The following MDN1 variants were observed in gnomAD, a reference collection of about 807,000 sequenced individuals.
MDN1 encodes midasin.
Under a neutral mutation model 669.2 loss-of-function variants are expected in MDN1, and 266 were observed. The observed-to-expected ratio is 0.40, with a 90% confidence interval of 0.36 to 0.44. The LOEUF (loss-of-function observed/expected upper bound fraction) is 0.44. MDN1 is among the 20% of genes least tolerant of loss of function. The pLI is 1.00. For synonymous variants in MDN1, 2,385 were observed against 2,457.1 expected, an observed-to-expected ratio of 0.97 and a Z score of 0.87; for missense variants, 5,940 against 6,754.0, an observed-to-expected ratio of 0.88 and a Z score of 4.22.
rs978231583 is a variant in MDN1 at position 89,740,174 on chromosome 6, C to T, written c.4593+60G>A. ...AATCCATTATTACATACTATATTTA[C>T]GAGTACCAGTAAGCTGAGGTCAAAA... is the stretch of plus-strand genomic sequence containing the variant. On this transcript the variant is annotated intron_variant, in intron 32 of 101. Coordinates refer to ENST00000369393, the MANE Select transcript of MDN1 (RefSeq NM_014611.3). 87 of 1,562,962 alleles carry T rather than the reference C, an allele frequency of 5.6e-5. No individual in the cohort carries two copies. The Admixed American group carries it at 1.2e-3, about 22-fold the overall frequency.
chr6:89,728,927 T>A lies in MDN1; in HGVS notation c.5349+4A>T. On this transcript the variant is annotated splice_donor_region_variant and intron_variant, in intron 36 of 101. Transcript: ENST00000369393. ...TCCATCAGCTGTAGGATGACCGAGC[T>A]TACCGTTTGCTCTGATAAGTTGATT... 6.2e-7 allele frequency: 1 copy of A among 1,613,180 alleles called. No homozygotes were observed.
chr6:89,669,126 C>G (rs771810083), intron 83 of MDN1, among the ~76,000 whole-genome samples: 1 of 152,230 alleles, frequency 6.6e-6, no homozygotes, highest in Non-Finnish European at 1.5e-5. Flanking sequence ...TCCCAACATT[C>G]TGCACATATC....
chr6:89,651,483 G>GC (rs1808865363), intron 95 of MDN1, among the ~76,000 whole-genome samples: 1 of 152,086 alleles, frequency 6.6e-6, no homozygotes, highest in Non-Finnish European at 1.5e-5. Flanking sequence ...GGGCGTGGTG[G>GC]CAAGTGCCTG....
At chr6:89,697,975 TCA>T (rs1187697926) in intron 59 of MDN1, among the ~76,000 whole-genome samples, 1 of 152,160 alleles carries the variant, frequency 6.6e-6, no homozygotes, top group Non-Finnish European at 1.5e-5. Flanking sequence ...TGTTCAATCT[TCA>T]CACTTATCAA....
intron 32 of MDN1, among the ~76,000 whole-genome samples, chr6:89,739,168 C>A (rs1417905704): frequency 1.3e-5 from 2 of 152,198 alleles, no homozygotes; most frequent in African/African-American, 4.8e-5. Context: ...GTATCATAGA[C>A]AACCAGTACC....
At chr6:89,683,010 GTCC>G in intron 73 of MDN1, 119 bp downstream of exon 73, 1 of 985,036 alleles carries the variant, frequency 1.0e-6, no homozygotes, top group South Asian at 1.6e-5. Context: ...TGCTATATAT[GTCC>G]AAAGAACAAG....
rs759166351 is a variant in MDN1 at position 89,754,186 on chromosome 6, TCCA to T, written c.2858_2860del (p.Val953del). The T allele has an allele frequency of 1.2e-6, 2 of 1,614,108 alleles. No homozygotes were observed. The highest frequency in any genetic ancestry group is 1.7e-6 in the Non-Finnish European group (2 of 1,179,990). ...GTAGTGAGGTCTATGGCCAGTGCCA[TCCA>T]CCAGTTTGGTCCCAGACTCTTTCCG... On this transcript the variant is annotated inframe_deletion, in exon 21 of 102. Transcript: ENST00000369393.
At position 89,644,151 on chromosome 6, in the gene MDN1, C is replaced by T; in HGVS notation, c.16645G>A (p.Gly5549Arg). 6.2e-7 allele frequency: 1 copy of T among 1,613,472 alleles called. No homozygotes were observed. The highest frequency in any genetic ancestry group is 1.1e-5 in the South Asian group (1 of 90,884). ...DIKVPIFKGP[G>R]EMPEIRSYME... ...TAGGATCGGATTTCAGGCATCTCTC[C>T]AGGTCCTTTAAATATCGGTACTTTA... The change falls in exon 102 of 102, where the codon GGA becomes AGA. Residue 5549 changes from glycine (G) to arginine (R), a missense_variant. By Grantham distance (125) the Gly-to-Arg change is moderately radical. Transcript: ENST00000369393.
In MDN1 at chr6:89,656,901, T is replaced by C; in HGVS notation, c.15184-100A>G. 6 of 997,178 alleles carry C rather than the reference T, an allele frequency of 6.0e-6. No individual in the cohort carries two copies. The South Asian group carries it at 6.2e-5, about 10-fold the overall frequency. 61.8% of individuals were successfully genotyped at this position (997,178 alleles called of 1,614,324 possible). A position where few individuals can be genotyped will look rare whatever the true frequency, so the allele number is the denominator to read the frequency against. On this transcript the variant is annotated intron_variant, in intron 90 of 101. Transcript: ENST00000369393. ...TACAACTTCTCTCACTGCTGTCCTTTATTCTCAGTCATATAATCACTCCTG... is the reference window on the plus strand; with the variant it reads ...TACAACTTCTCTCACTGCTGTCCTTCATTCTCAGTCATATAATCACTCCTG...
intron 97 of MDN1, among the ~76,000 whole-genome samples, chr6:89,648,972 G>C (rs558385828): frequency 4.2e-5 from 6 of 143,810 alleles, no homozygotes; most frequent in Admixed American, 3.6e-4. Context: ...CTAAGCAACA[G>C]AGCAAGACCC....
At chr6:89,645,187 A>G in intron 100 of MDN1, 30 bp from the exon 101 acceptor site, 1 of 1,564,752 alleles carries the variant, frequency 6.4e-7, no homozygotes, top group Admixed American at 1.8e-5. Context: ...AAGCAAGGGA[A>G]TAAAATGAAC....
intron 22 of MDN1, among the ~76,000 whole-genome samples, chr6:89,752,406 T>C (rs1205509035): frequency 6.6e-6 from 1 of 152,160 alleles, no homozygotes; most frequent in East Asian, 1.9e-4. Context: ...ACCGAAAGTA[T>C]TTACGCATGT....
intron 33 of MDN1, among the ~76,000 whole-genome samples, chr6:89,733,345 A>T (rs989072089): frequency 6.6e-6 from 1 of 152,014 alleles, no homozygotes; most frequent in African/African-American, 2.4e-5. Flanking sequence ...TTCCTATCAG[A>T]TAATATTTGT....
At chr6:89,803,224 C>G in intron 2 of MDN1, 104 bp downstream of exon 2, 1 of 941,702 alleles carries the variant, frequency 1.1e-6, no homozygotes, top group South Asian at 1.4e-5. Flanking sequence ...TCTCTCCTTT[C>G]TGTATTTCCG....
At chr6:89,687,277 A>C in intron 68 of MDN1, 67 bp downstream of exon 68, 1 of 1,441,284 alleles carries the variant, frequency 6.9e-7, no homozygotes, top group Non-Finnish European at 9.6e-7. Context: ...TCCTAAAGAA[A>C]TTTAAACTAC....
rs1029116857 is a variant in MDN1 at position 89,805,718 on chromosome 6, T to G, written c.103-2164A>C. Among the ~76,000 whole-genome samples, 7 of 152,334 alleles carry G rather than the reference T, an allele frequency of 4.6e-5. No homozygotes were observed. The East Asian group carries it at 5.8e-4, about 13-fold the overall frequency. ...AAAGTCTTCCAATTACAGAGCATTC[T>G]CTCATGAAAACATTTGATTCTGATC... On this transcript the variant is annotated intron_variant, in intron 1 of 101. Transcript: ENST00000369393.
At chr6:89,803,142 T>C (rs1767773307) in intron 2 of MDN1, among the ~76,000 whole-genome samples, 186 bp downstream of exon 2, 1 of 152,210 alleles carries the variant, frequency 6.6e-6, no homozygotes, top group Admixed American at 6.5e-5. Context: ...AGAAACCTAG[T>C]AAATGCTCAC....
At position 89,699,958 on chromosome 6, in the gene MDN1, G is replaced by A. The variant is rs148950541; in HGVS notation, c.8870+105C>T. The A allele has an allele frequency of 7.2e-3, 8,668 of 1,201,136 alleles. 47 individuals are homozygous for A. The highest frequency in any genetic ancestry group is 8.1e-3 in the Non-Finnish European group (7,016 of 861,548). 74.4% of individuals were successfully genotyped at this position (1,201,136 alleles called of 1,614,324 possible). On this transcript the variant is annotated intron_variant, in intron 57 of 101. Transcript: ENST00000369393. ...GTGGCAAATCACTTCCCTCTGCTTC[G>A]GTAACCATCCCTATCAAGTCTGTGG...
intron 14 of MDN1, 23 bp from the exon 15 acceptor site, chr6:89,771,644 G>C (rs1186579147): frequency 6.2e-7 from 1 of 1,601,630 alleles, no homozygotes; most frequent in African/African-American, 1.3e-5. Context: ...AAGTGCAAAA[G>C]TGTTACTCCA....
Sources: allele counts gnomAD v4.1 joint callset (sites outside exome capture counted in the v4.1 genomes callset), GRCh38; gene constraint gnomAD v4.1.1; transcripts MANE v1.5; gene names NCBI Gene and HGNC (gene_info 2026-07-23, HGNC 2026-07-21).